Variants in RASGRP1 observed in about 807,000 individuals in gnomAD.
The protein encoded by RASGRP1 is RAS guanyl releasing protein 1, also known as RAS guanyl-releasing protein 1.
A neutral mutation model predicts 95.1 loss-of-function variants in RASGRP1; 37 were observed. That is an observed-to-expected ratio of 0.39 (90% CI 0.30 to 0.51). RASGRP1 has a LOEUF of 0.51. RASGRP1 is among the 20% of genes least tolerant of loss of function. The pLI is 0.80. For missense variants in RASGRP1, 711 were observed against 965.4 expected (o/e 0.74, Z 3.49); for synonymous variants, 325 against 353.4 (o/e 0.92, Z 0.90).
At chr15:38,543,671 A>G (rs1892993854) in intron 2 of RASGRP1, among the ~76,000 whole-genome samples, 1 of 117,100 alleles carries the variant, frequency 8.5e-6, no homozygotes, top group Admixed American at 9.5e-5. Context: ...TGCATCCACT[A>G]TAGTATTAAG....
intron 2 of RASGRP1, among the ~76,000 whole-genome samples, chr15:38,543,749 TA>T (rs993786387): frequency 1.3e-4 from 19 of 151,770 alleles, no homozygotes; most frequent in Non-Finnish European, 2.2e-4. Context: ...TTGGTTCCTT[TA>T]ATTGTTGCAA....
intron 15 of RASGRP1, among the ~76,000 whole-genome samples, chr15:38,497,925 G>A (rs902860656): frequency 6.6e-6 from 1 of 152,060 alleles, no homozygotes; most frequent in African/African-American, 2.4e-5. Flanking sequence ...TTTGCCCCCC[G>A]CCCTTCCTTT....
chr15:38,537,035 T>A (rs911121356), intron 2 of RASGRP1, among the ~76,000 whole-genome samples: 2 of 152,152 alleles, frequency 1.3e-5, no homozygotes, highest in Non-Finnish European at 2.9e-5. Context: ...ACTATTTTGT[T>A]TTTTTTTCCT....
At chr15:38,563,755 C>G (rs939514123) in intron 1 of RASGRP1, among the ~76,000 whole-genome samples, 8 of 152,158 alleles carry the variant, frequency 5.3e-5, no homozygotes, top group Admixed American at 2.0e-4. Flanking sequence ...AAGAATCCTT[C>G]GTTCCTGGGA....
At chr15:38,500,167 C>T (rs1595823710) in intron 13 of RASGRP1, 28 bp from the exon 14 acceptor site, 1 of 1,610,176 alleles carries the variant, frequency 6.2e-7, no homozygotes, top group Non-Finnish European at 8.5e-7. Context: ...GAATGCACCA[C>T]ATGTCATTCA....
chr15:38,507,049 TA>T (rs1213001152), intron 9 of RASGRP1, among the ~76,000 whole-genome samples: 5 of 152,198 alleles, frequency 3.3e-5, no homozygotes, highest in Non-Finnish European at 5.9e-5. Context: ...AACAGCAGGT[TA>T]AAAACTGTGT....
intron 6 of RASGRP1, among the ~76,000 whole-genome samples, chr15:38,513,624 A>C (rs2141117049): frequency 6.6e-6 from 1 of 152,344 alleles, no homozygotes; most frequent in African/African-American, 2.4e-5. Context: ...ATGGTTTCCC[A>C]AGTTGACAAT....
At chr15:38,501,016 T>TA in intron 13 of RASGRP1, 127 bp downstream of exon 13, 1 of 1,121,232 alleles carries the variant, frequency 8.9e-7, no homozygotes, top group Non-Finnish European at 1.2e-6. Context: ...AGCTCTAGGT[T>TA]ATTCTAGGTG....
At chr15:38,546,278 C>T (rs149026161) in intron 2 of RASGRP1, among the ~76,000 whole-genome samples, 3,500 of 152,106 alleles carry the variant, frequency 0.023, 50 homozygotes, top group Middle Eastern at 0.037. Context: ...AGTGCGGTGG[C>T]GCAATCTTGG....
chr15:38,532,952 G>A (rs189451688), intron 2 of RASGRP1, among the ~76,000 whole-genome samples: 24 of 152,200 alleles, frequency 1.6e-4, no homozygotes, highest in African/African-American at 4.8e-4. Flanking sequence ...TAAGAGGTGG[G>A]GGCCAGCTTT....
intron 2 of RASGRP1, among the ~76,000 whole-genome samples, chr15:38,529,703 A>G (rs1191762505): frequency 1.3e-5 from 2 of 152,224 alleles, no homozygotes; most frequent in Non-Finnish European, 2.9e-5. Flanking sequence ...CAGGGCCTAG[A>G]ATGGTACTGA....
At chr15:38,501,520 A>G in intron 12 of RASGRP1, 2 of 656,424 alleles carry the variant, frequency 3.0e-6, no homozygotes, top group Non-Finnish European at 5.6e-6. Flanking sequence ...CTTTGGCCAA[A>G]CTAGGTTTCC....
chr15:38,549,625 T>G (rs999967731), intron 2 of RASGRP1, among the ~76,000 whole-genome samples: 2 of 135,292 alleles, frequency 1.5e-5, no homozygotes, highest in African/African-American at 6.0e-5. Flanking sequence ...GACTGCATTC[T>G]TTGTTACAAA....
chr15:38,524,902 G>A (rs956822787), intron 3 of RASGRP1, among the ~76,000 whole-genome samples: 1 of 151,646 alleles, frequency 6.6e-6, no homozygotes, highest in Non-Finnish European at 1.5e-5. Flanking sequence ...AGGGAGGGGG[G>A]GTCTGCCCCA....
chr15:38,551,275 G>A (rs72727387), intron 2 of RASGRP1, among the ~76,000 whole-genome samples: 43,249 of 152,000 alleles, frequency 0.28, 6,327 homozygotes, highest in East Asian at 0.4. Flanking sequence ...ATTCCTGAAG[G>A]ACTTTCTTCA....
At chr15:38,512,996 A>G (rs773546217) in intron 6 of RASGRP1, 40 bp from the exon 7 acceptor site, 1 of 1,444,556 alleles carries the variant, frequency 6.9e-7, no homozygotes, top group African/African-American at 1.4e-5. Context: ...AAAACCTATC[A>G]GTACTGTACT....
intron 2 of RASGRP1, among the ~76,000 whole-genome samples, chr15:38,542,880 T>TACACAC (rs1892947794): frequency 7.0e-6 from 1 of 142,340 alleles, no homozygotes; most frequent in African/African-American, 2.6e-5. Context: ...TGTGTATATA[T>TACACAC]ATACACATAT....
rs906980695 is a variant in RASGRP1, at chr15:38,498,638, A to G, written c.1873+156T>C. Among the ~76,000 whole-genome samples, 8 of 152,134 alleles carry G rather than the reference A, an allele frequency of 5.3e-5. No homozygotes were observed. The East Asian group carries it at 1.5e-3, about 29-fold the overall frequency. The stretch of plus-strand genomic sequence containing the variant: ...CCTTAAGTCTAAGACATAGGCATGG[A>G]GCTAAAATCCAAAACTGTGGGAGGG... On this transcript the variant is annotated intron_variant, in intron 15 of 16. Coordinates refer to ENST00000310803, the MANE Select transcript of RASGRP1 (RefSeq NM_005739.4).
intron 2 of RASGRP1, among the ~76,000 whole-genome samples, chr15:38,543,661 T>G (rs1469576829): frequency 6.7e-6 from 1 of 149,988 alleles, no homozygotes; most frequent in Non-Finnish European, 1.5e-5. Context: ...TTTTTTTTTT[T>G]GCATCCACTA....
Sources: allele counts gnomAD v4.1 joint callset (sites outside exome capture counted in the v4.1 genomes callset), GRCh38; gene constraint gnomAD v4.1.1; transcripts MANE v1.5; gene names NCBI Gene and HGNC (gene_info 2026-07-23, HGNC 2026-07-21).